Variants in LARP1 observed in about 807,000 individuals in gnomAD.
LARP1 encodes the protein La ribonucleoprotein 1, translational regulator.
In LARP1, 36 loss-of-function variants were observed where a neutral mutation model predicts 122.7. The ratio of observed to expected loss-of-function variants is 0.29; its 90% confidence interval spans 0.22 to 0.39. The LOEUF is 0.39. LARP1 is among the 10% of genes least tolerant of loss of function. LARP1 has a pLI of 1.00. For synonymous variants in LARP1, 539 were observed against 528.7 expected (o/e 1.02, Z -0.27); for missense variants, 1,040 against 1,403.6 (o/e 0.74, Z 4.14).
At chr5:154,722,882 T>C (rs1339473430) in intron 1 of LARP1, among the ~76,000 whole-genome samples, 1 of 152,162 alleles carries the variant, frequency 6.6e-6, no homozygotes, top group Non-Finnish European at 1.5e-5. Context: ...GGTTTTATCA[T>C]GTTGGCCAGC....
At chr5:154,707,086 T>C (rs1187669119) in intron 1 of LARP1, among the ~76,000 whole-genome samples, 2 of 152,146 alleles carry the variant, frequency 1.3e-5, no homozygotes, top group East Asian at 3.8e-4. Flanking sequence ...TATCCAGTCA[T>C]AGAGTTTTTG....
At chr5:154,703,232 ACT>A (rs2113256818) in intron 1 of LARP1, among the ~76,000 whole-genome samples, 1 of 151,518 alleles carries the variant, frequency 6.6e-6, no homozygotes, top group East Asian at 1.9e-4. Context: ...TAGGAGGCAG[ACT>A]CTTTCTAAGA....
At position 154,790,719 on chromosome 5, in the gene LARP1, G is replaced by C; in HGVS notation, c.564+9G>C. 6.2e-7 allele frequency: 1 copy of C among 1,613,914 alleles called. No individual in the cohort carries two copies. The highest frequency in any genetic ancestry group is 8.5e-7 in the Non-Finnish European group (1 of 1,179,768). ...CCCACAAGAGTGTTCAGGTGAGTCT[G>C]TGTGGAAGAATAGGCAGGTTTGAAG... On this transcript the variant is annotated intron_variant, in intron 3 of 18. Transcript: ENST00000518297.
At chr5:154,723,997 T>C (rs938230482) in intron 1 of LARP1, among the ~76,000 whole-genome samples, 3 of 152,228 alleles carry the variant, frequency 2.0e-5, no homozygotes, top group Non-Finnish European at 2.9e-5. Context: ...CAACCCTGCC[T>C]TCATGGGTAT....
intron 4 of LARP1, 143 bp downstream of exon 4, chr5:154,792,939 A>C (rs1757455111): frequency 2.6e-6 from 2 of 766,760 alleles, no homozygotes; most frequent in Non-Finnish European, 4.2e-6. Context: ...CTGGTGAGAT[A>C]GCAGTCTTCA....
In LARP1 at chr5:154,813,100, T is replaced by C. The variant is rs200786281; in HGVS notation, c.3082-787T>C. 5.3e-5 allele frequency among the ~76,000 whole-genome samples: 8 copies of C among 151,996 alleles called. No homozygotes were observed. In the East Asian group the frequency reaches 1.4e-3, roughly 26 times the overall value. ...ATGTGGTGACGCAGACAGGACTTAT[T>C]AGGTTAACTGAGGTTCGTGGCCATC... On this transcript the variant is annotated intron_variant, in intron 18 of 18. Coordinates refer to ENST00000518297, the MANE Select transcript of LARP1 (RefSeq NM_033551.3).
chr5:154,794,252 A>C lies in LARP1; in HGVS notation c.1222A>C (p.Lys408Gln). The C allele has an allele frequency of 1.2e-6, 2 of 1,614,112 alleles. No homozygotes were observed. The highest frequency in any genetic ancestry group is 1.7e-6 in the Non-Finnish European group (2 of 1,179,990). Reference sequence around the variant, plus strand: ...TCAGGAACTGCTCAAAGACTACATCAAGCGCCAGATGTGAGTGTGCGGAAG... The same window carrying C: ...TCAGGAACTGCTCAAAGACTACATCCAGCGCCAGATGTGAGTGTGCGGAAG... ...VDQELLKDYI[K>Q]RQIEYYFSVD... The change falls in exon 7 of 19, where the codon AAG becomes CAG. Residue 408 changes from lysine (K) to glutamine (Q), a missense_variant. Physicochemically the swap from Lys to Gln is moderately conservative, Grantham distance 53. Around this residue, in one of 8 missense-constraint regions of LARP1, gnomAD observed 362 missense variants for 533.1 expected, o/e 0.68. Transcript: ENST00000518297.
chr5:154,715,264 CT>C (rs35808885), intron 1 of LARP1, among the ~76,000 whole-genome samples: 16,593 of 90,260 alleles, frequency 0.18, 2,177 homozygotes, highest in African/African-American at 0.49. Flanking sequence ...GCAAGCCTCT[CT>C]TTTTTTTTTT....
At chr5:154,762,277 C>A (rs1477279010) in intron 1 of LARP1, among the ~76,000 whole-genome samples, 1 of 151,944 alleles carries the variant, frequency 6.6e-6, no homozygotes, top group African/African-American at 2.4e-5. Context: ...AAACCTCCTA[C>A]ACAGAGGTAA....
intron 1 of LARP1, among the ~76,000 whole-genome samples, chr5:154,715,947 G>A (rs1203022310): frequency 6.6e-6 from 1 of 152,042 alleles, no homozygotes; most frequent in African/African-American, 2.4e-5. Flanking sequence ...GCTCAGGGAG[G>A]CTACAAATCT....
intron 1 of LARP1, among the ~76,000 whole-genome samples, chr5:154,707,414 G>T (rs1755003591): frequency 6.6e-6 from 1 of 152,128 alleles, no homozygotes; most frequent in African/African-American, 2.4e-5. Context: ...ATTGATTTGT[G>T]ACACTAGAAA....
chr5:154,744,415 T>C (rs946925783), intron 1 of LARP1, among the ~76,000 whole-genome samples: 1 of 152,062 alleles, frequency 6.6e-6, no homozygotes, highest in African/African-American at 2.4e-5. Flanking sequence ...ATGAGAGTAG[T>C]GTGCTGGGAG....
intron 1 of LARP1, among the ~76,000 whole-genome samples, chr5:154,687,389 T>C (rs2113184210): frequency 6.6e-6 from 1 of 152,362 alleles, no homozygotes; most frequent in Non-Finnish European, 1.5e-5. Context: ...GTGTTGTGTG[T>C]GTGTGTTTGT....
chr5:154,802,510 C>G lies in LARP1; in HGVS notation c.2109+111C>G. The G allele has an allele frequency of 7.6e-7, 1 of 1,314,144 alleles. No homozygotes were observed. Among genetic ancestry groups the G allele is most frequent in the Non-Finnish European group, 1.0e-6 (1 of 984,568 alleles). The allele number at this position is 1,314,144 out of a possible 1,614,324, so 81.4% of individuals were successfully genotyped here. On this transcript the variant is annotated intron_variant, in intron 11 of 18. Transcript: ENST00000518297. This position sits in a 1 kb window ranked among gnomAD's most constrained non-coding sequence, Gnocchi z 5.1. Reference sequence around the variant, plus strand: ...TAGGCAGGTCCTTATAATTCAGAGTCTCAGGATTTTTATATATGGGAAGGG... The same window carrying G: ...TAGGCAGGTCCTTATAATTCAGAGTGTCAGGATTTTTATATATGGGAAGGG...
intron 1 of LARP1, among the ~76,000 whole-genome samples, chr5:154,692,769 T>G (rs1054308599): frequency 6.6e-6 from 1 of 152,074 alleles, no homozygotes; most frequent in Non-Finnish European, 1.5e-5. Flanking sequence ...GCACGAAATA[T>G]AATTTGAAGA....
At chr5:154,749,793 A>G (rs1366096565) in intron 1 of LARP1, among the ~76,000 whole-genome samples, 1 of 152,246 alleles carries the variant, frequency 6.6e-6, no homozygotes, top group Non-Finnish European at 1.5e-5. Flanking sequence ...TTCCAGGAAC[A>G]CAAGGCTCTT....
At position 154,793,630 on chromosome 5, in the gene LARP1, A is replaced by G. The variant is rs1293131026; in HGVS notation, c.775A>G (p.Met259Val). The G allele has an allele frequency of 1.2e-6, 2 of 1,614,166 alleles. No individual in the cohort carries two copies. The highest frequency in any genetic ancestry group is 4.5e-5 in the East Asian group (2 of 44,864). Residue 259 changes from methionine (M) to valine (V), a missense_variant, in exon 5 of 19, where the codon ATG becomes GTG. By Grantham distance (21) the Met-to-Val change is conservative (BLOSUM62 1). Around this residue, in one of 8 missense-constraint regions of LARP1, gnomAD observed 178 missense variants for 178.3 expected, o/e 1.00. Coordinates refer to ENST00000518297, the MANE Select transcript of LARP1 (RefSeq NM_033551.3). ...KHKWVPLQID[M>V]KPEVPREKLA... ...CAAGTGGGTTCCATTACAAATAGAC[A>G]TGAAGCCTGAAGTGCCCAGAGAGAA...
chr5:154,723,144 C>T (rs544409816), intron 1 of LARP1, among the ~76,000 whole-genome samples: 1 of 152,362 alleles, frequency 6.6e-6, no homozygotes, highest in South Asian at 2.1e-4. Context: ...GGCCTCTGGA[C>T]TCTCACCAGG....
chr5:154,808,440 C>T lies in LARP1; in HGVS notation c.2699-19C>T, dbSNP rs1364050073. ...AGCCTGAACCTGAGACATGCCTTTC[C>T]TCCTTTCTTTCCCATCAGAGCGGAA... is the stretch of plus-strand genomic sequence containing the variant. On this transcript the variant is annotated intron_variant, in intron 15 of 18. Transcript: ENST00000518297. 6.2e-7 allele frequency: 1 copy of T among 1,607,618 alleles called. No individual in the cohort carries two copies. The highest frequency in any genetic ancestry group is 8.5e-7 in the Non-Finnish European group (1 of 1,177,398).
Sources: allele counts gnomAD v4.1 joint callset (sites outside exome capture counted in the v4.1 genomes callset), GRCh38; gene constraint gnomAD v4.1.1; regional missense constraint gnomAD v4.1.1; non-coding constraint Gnocchi (gnomAD v3.1); transcripts MANE v1.5; gene names NCBI Gene and HGNC (gene_info 2026-07-23, HGNC 2026-07-21).